NUP98: variants seen among roughly 807,000 people sequenced by gnomAD.
NUP98 encodes the protein nucleoporin 98 and 96 precursor, also known as nuclear pore complex protein Nup98-Nup96.
A neutral mutation model predicts 191.9 loss-of-function variants in NUP98; 26 were observed. That is an observed-to-expected ratio of 0.14 (90% CI 0.10 to 0.19). The LOEUF (loss-of-function observed/expected upper bound fraction) is 0.19. NUP98 is among the 10% of genes least tolerant of loss of function. NUP98 has a pLI of 1.00. For missense variants in NUP98, 1,941 were observed against 2,178.8 expected (o/e 0.89, Z 2.17); for synonymous variants, 808 against 778.4 (o/e 1.04, Z -0.63).
chr11:3,688,710 G>A (rs913019172), intron 28 of NUP98, among the ~76,000 whole-genome samples: 2 of 149,698 alleles, frequency 1.3e-5, no homozygotes, highest in Non-Finnish European at 3.0e-5. Context: ...CAGGAGAATC[G>A]CTTGAACCTG....
chr11:3,795,346 T>C (rs1291521197), intron 1 of NUP98, among the ~76,000 whole-genome samples: 2 of 152,100 alleles, frequency 1.3e-5, no homozygotes, highest in Non-Finnish European at 2.9e-5. Flanking sequence ...CTTGGGAGGC[T>C]GAGGTGGGAA....
At chr11:3,696,358 C>T (rs1051669649) in intron 25 of NUP98, among the ~76,000 whole-genome samples, 1 of 151,934 alleles carries the variant, frequency 6.6e-6, no homozygotes, top group African/African-American at 2.4e-5. Context: ...AAAAATTAGC[C>T]TGGCGTGGTG....
chr11:3,756,718 G>A (rs769260690), intron 10 of NUP98, among the ~76,000 whole-genome samples: 2 of 151,946 alleles, frequency 1.3e-5, no homozygotes, highest in Admixed American at 6.6e-5. Context: ...CACCACACTC[G>A]GCTTGTTTTT....
chr11:3,773,911 T>A (rs2081614573), intron 5 of NUP98, among the ~76,000 whole-genome samples, 172 bp from the exon 6 acceptor site: 1 of 152,184 alleles, frequency 6.6e-6, no homozygotes, highest in African/African-American at 2.4e-5. Flanking sequence ...TCTCCCTACA[T>A]CAAGGTTATC....
intron 1 of NUP98, among the ~76,000 whole-genome samples, chr11:3,786,522 C>A (rs1376470575): frequency 6.6e-6 from 1 of 151,870 alleles, no homozygotes; most frequent in African/African-American, 2.4e-5. Flanking sequence ...AGAAAAGAAA[C>A]CTTTAACTTT....
At chr11:3,764,674 G>T (rs544141474) in intron 8 of NUP98, among the ~76,000 whole-genome samples, 3 of 152,282 alleles carry the variant, frequency 2.0e-5, no homozygotes, top group Non-Finnish European at 4.4e-5. Context: ...CGCCTCCCGG[G>T]TTCAAGAGAT....
At position 3,700,831 on chromosome 11, in the gene NUP98, T is replaced by G. The variant is rs1359267512; in HGVS notation, c.3521A>C (p.Glu1174Ala). ...PNPVAVKPLT[E>A]SPFKVHLEKL... ...TTCTAAGTGAACTTTGAATGGGGAC[T>G]CAGTTAGGCTACAAGAGCAAATGAG... Residue 1174 changes from glutamate (E) to alanine (A), a missense_variant, in exon 24 of 33, where the codon GAG becomes GCG. Glu to Ala is a moderately radical substitution (Grantham distance 107). Around this residue, in one of 6 missense-constraint regions of NUP98, gnomAD observed 1,030 missense variants for 1,115.8 expected, o/e 0.92. Transcript: ENST00000324932. The G allele has an allele frequency of 6.2e-7, 1 of 1,612,150 alleles. No individual in the cohort carries two copies. The highest frequency in any genetic ancestry group is 2.2e-5 in the East Asian group (1 of 44,864).
intron 12 of NUP98, among the ~76,000 whole-genome samples, chr11:3,743,169 C>A (rs1564872556): frequency 6.6e-6 from 1 of 151,650 alleles, no homozygotes; most frequent in South Asian, 2.1e-4. Flanking sequence ...CATGCACATG[C>A]CATCATGCCC....
intron 1 of NUP98, 24 bp from the exon 2 acceptor site, chr11:3,782,169 C>G: frequency 1.5e-6 from 2 of 1,319,380 alleles, no homozygotes; most frequent in South Asian, 1.2e-5. Context: ...AACATTATCA[C>G]TCTCTTAAAG....
rs912161010 is a variant in NUP98, at chr11:3,763,340, G to A, written c.949-301C>T. ...GATGATGAACTCCAAGGTCTTAGGCGTCTATTAAATAATAAGACTTTAACT... is the reference window on the plus strand; with the variant it reads ...GATGATGAACTCCAAGGTCTTAGGCATCTATTAAATAATAAGACTTTAACT... On this transcript the variant is annotated intron_variant, in intron 8 of 32. Coordinates refer to ENST00000324932, the MANE Select transcript of NUP98 (RefSeq NM_016320.5). 1.1e-4 allele frequency among the ~76,000 whole-genome samples: 17 copies of A among 152,140 alleles called. No homozygotes were observed. The South Asian group carries it at 2.3e-3, about 20-fold the overall frequency.
chr11:3,684,255 AAAAAT>A (rs956140441), intron 29 of NUP98, among the ~76,000 whole-genome samples: 1 of 152,092 alleles, frequency 6.6e-6, no homozygotes, highest in African/African-American at 2.4e-5. Flanking sequence ...ATTAATTTTT[AAAAAT>A]AAAATAAAGT....
At chr11:3,788,706 G>A (rs2082230501) in intron 1 of NUP98, among the ~76,000 whole-genome samples, 1 of 152,194 alleles carries the variant, frequency 6.6e-6, no homozygotes, top group African/African-American at 2.4e-5. Flanking sequence ...ACCATTTTGG[G>A]AGGCCCAAAG....
At chr11:3,783,927 T>G (rs917735593) in intron 1 of NUP98, among the ~76,000 whole-genome samples, 3 of 152,096 alleles carry the variant, frequency 2.0e-5, no homozygotes, top group Non-Finnish European at 4.4e-5. Flanking sequence ...AGCTTCATAG[T>G]TTACTCAGAG....
At chr11:3,781,609 G>A (rs781635262) in intron 2 of NUP98, among the ~76,000 whole-genome samples, 10 of 151,996 alleles carry the variant, frequency 6.6e-5, no homozygotes, top group South Asian at 2.1e-4. Flanking sequence ...AGGAAGGGAG[G>A]TAGATCTCCG....
chr11:3,706,894 G>A (rs1221771803), intron 20 of NUP98, among the ~76,000 whole-genome samples: 4 of 152,106 alleles, frequency 2.6e-5, no homozygotes, highest in African/African-American at 9.7e-5. Context: ...AGCACCCATG[G>A]TGAAACAAAT....
At chr11:3,720,975 A>AGTGT (rs55984201) in intron 16 of NUP98, 150 bp from the exon 17 acceptor site, 20,476 of 322,010 alleles carry the variant, frequency 0.064, 471 homozygotes, top group South Asian at 0.14. Context: ...GGGGTGTGTG[A>AGTGT]GTGTGTGTGT....
chr11:3,707,911 G>T (rs1005113980), intron 20 of NUP98, among the ~76,000 whole-genome samples: 17 of 151,846 alleles, frequency 1.1e-4, no homozygotes, highest in African/African-American at 4.1e-4. Context: ...GACCAGCCTG[G>T]TCAACATGAA....
chr11:3,771,672 C>T (rs891250114), intron 7 of NUP98, 76 bp downstream of exon 7: 37 of 1,341,596 alleles, frequency 2.8e-5, no homozygotes, highest in Non-Finnish European at 3.7e-5. Context: ...AGCACTTATC[C>T]CAAAATGGCA....
At chr11:3,736,997 C>CG (rs2080089459) in intron 12 of NUP98, among the ~76,000 whole-genome samples, 1 of 152,030 alleles carries the variant, frequency 6.6e-6, no homozygotes, top group Non-Finnish European at 1.5e-5. Flanking sequence ...AGGGAACAGA[C>CG]ATAAGTAACA....
Sources: allele counts gnomAD v4.1 joint callset (sites outside exome capture counted in the v4.1 genomes callset), GRCh38; gene constraint gnomAD v4.1.1; regional missense constraint gnomAD v4.1.1; transcripts MANE v1.5; gene names NCBI Gene and HGNC (gene_info 2026-07-23, HGNC 2026-07-21).